Variants in KDM6A observed in about 807,000 individuals in gnomAD.
KDM6A encodes lysine demethylase 6A, also known as lysine-specific demethylase 6A.
In KDM6A, 11 loss-of-function variants were observed where a neutral mutation model predicts 117.6. The observed-to-expected ratio is 0.09, with a 90% CI of 0.06 to 0.15. The LOEUF (loss-of-function observed/expected upper bound fraction) is 0.15. Ranked by LOEUF, KDM6A falls within the 10% of genes least tolerant of loss-of-function variation. KDM6A has a pLI of 1.00. For synonymous variants in KDM6A, 384 were observed against 396.1 expected, an observed-to-expected ratio of 0.97 and a Z score of 0.36; for missense variants, 799 against 1,077.3, an observed-to-expected ratio of 0.74 and a Z score of 3.62.
intron 6 of KDM6A, among the ~76,000 whole-genome samples, chrX:45,025,202 G>A (rs1007602979): frequency 9.2e-6 from 1 of 109,220 alleles, no homozygotes; most frequent in African/African-American, 3.3e-5. Flanking sequence ...TCACTCTGTT[G>A]CCCAGGCTGG....
At chrX:45,054,051 C>G in intron 10 of KDM6A, 96 bp downstream of exon 10, 1 of 886,865 alleles carries the variant, frequency 1.1e-6, no homozygotes, top group Non-Finnish European at 1.7e-6. Flanking sequence ...GTAACCTGAT[C>G]AGTGTATTTT....
At chrX:45,101,005 G>A (rs1302599519) in intron 27 of KDM6A, among the ~76,000 whole-genome samples, 1 of 110,690 alleles carries the variant, frequency 9.0e-6, no homozygotes, top group East Asian at 2.8e-4. Context: ...GTTTTTAAAT[G>A]TGCCATCTTA....
chrX:45,083,110 A>C (rs922613184), intron 23 of KDM6A, among the ~76,000 whole-genome samples: 9 of 110,265 alleles, frequency 8.2e-5, no homozygotes, highest in African/African-American at 3.0e-4. Flanking sequence ...TTTTTACTTA[A>C]AACTTTTCTG....
intron 25 of KDM6A, chrX:45,086,369 A>G (rs2045640175): frequency 7.5e-6 from 1 of 134,120 alleles, no homozygotes; most frequent in Non-Finnish European, 1.5e-5. Context: ...GAATAACTCA[A>G]GCTTGACCAT....
chrX:44,969,041 C>T (rs1236618359), intron 3 of KDM6A, among the ~76,000 whole-genome samples: 1 of 109,109 alleles, frequency 9.2e-6, no homozygotes, highest in Non-Finnish European at 1.9e-5. Context: ...ACAGAAATTA[C>T]GAGGCAGGAG....
At chrX:45,018,792 G>A (rs1460337227) in intron 5 of KDM6A, among the ~76,000 whole-genome samples, 1 of 111,215 alleles carries the variant, frequency 9.0e-6, no homozygotes, top group Non-Finnish European at 1.9e-5. Flanking sequence ...ATTGGCATGT[G>A]TGGACATTGC....
At chrX:44,987,438 G>T (rs2040295783) in intron 4 of KDM6A, among the ~76,000 whole-genome samples, 1 of 111,360 alleles carries the variant, frequency 9.0e-6, no homozygotes, top group Non-Finnish European at 1.9e-5. Flanking sequence ...GTGTGAATCT[G>T]ATCCTGTCAT....
intron 4 of KDM6A, among the ~76,000 whole-genome samples, chrX:44,983,076 G>A (rs1056819276): frequency 1.8e-5 from 2 of 111,868 alleles, no homozygotes; most frequent in Admixed American, 1.9e-4. Context: ...GACCAAGAGA[G>A]TGAGCTCTTT....
intron 3 of KDM6A, among the ~76,000 whole-genome samples, chrX:44,964,929 G>A (rs1215338620): frequency 8.9e-6 from 1 of 112,368 alleles, no homozygotes; most frequent in African/African-American, 3.2e-5. Context: ...ATAGAAGGCT[G>A]TTTCACGGAG....
chrX:45,000,812 C>T (rs1813847366), intron 4 of KDM6A, among the ~76,000 whole-genome samples: 1 of 112,559 alleles, frequency 8.9e-6, no homozygotes, highest in African/African-American at 3.2e-5. Flanking sequence ...GCATGACTTA[C>T]TACTCCAGGC....
chrX:44,911,187 G>A (rs957261565), intron 2 of KDM6A, among the ~76,000 whole-genome samples: 2 of 108,070 alleles, frequency 1.9e-5, no homozygotes, highest in East Asian at 3.0e-4. Flanking sequence ...CCCACCTCCC[G>A]GACGGGGTGG....
intron 6 of KDM6A, among the ~76,000 whole-genome samples, chrX:45,027,540 A>AT (rs2042428212): frequency 9.0e-6 from 1 of 110,907 alleles, no homozygotes; most frequent in African/African-American, 3.3e-5. Flanking sequence ...ATATGACTCA[A>AT]TTTTCTTAGG....
chrX:45,067,429 A>G (rs1411741535), intron 17 of KDM6A, among the ~76,000 whole-genome samples: 1 of 111,395 alleles, frequency 9.0e-6, no homozygotes, highest in African/African-American at 3.3e-5. Context: ...TCTGAATTAA[A>G]TATTTTACAT....
rs2041154708 is a variant in KDM6A, at chrX:45,001,791, T to C, written c.385-9170T>C. On this transcript the variant is annotated intron_variant, in intron 4 of 29. Transcript: ENST00000611820. Reference sequence around the variant, plus strand: ...CGACTCTTGAGGGAGCGGTGCTTTCTTGCCTCGGGTGTGATGAGTCTATCC... The same window carrying C: ...CGACTCTTGAGGGAGCGGTGCTTTCCTGCCTCGGGTGTGATGAGTCTATCC... Among the ~76,000 whole-genome samples, 2 of 111,358 alleles carry C rather than the reference T, an allele frequency of 1.8e-5. 1 individual carries two copies. Among genetic ancestry groups the C allele is most frequent in the South Asian group, 7.6e-4 (2 of 2,618 alleles).
At chrX:45,060,186 C>T (rs1249731286) in intron 13 of KDM6A, 30 bp downstream of exon 13, 1 of 1,208,521 alleles carries the variant, frequency 8.3e-7, no homozygotes, top group African/African-American at 1.7e-5. Flanking sequence ...TCTGCAGGTG[C>T]CCAGCTTTAA....
At chrX:44,927,049 G>A (rs189890807) in intron 2 of KDM6A, among the ~76,000 whole-genome samples, 4 of 111,570 alleles carry the variant, frequency 3.6e-5, no homozygotes, top group African/African-American at 1.3e-4. Context: ...TGCCATGTAA[G>A]TATTGTCTAT....
At chrX:45,067,653 G>GTTTTTTTTT (rs1192862756) in intron 17 of KDM6A, among the ~76,000 whole-genome samples, 2 of 83,302 alleles carry the variant, frequency 2.4e-5, no homozygotes, top group African/African-American at 9.3e-5. Context: ...TCTTTTTTTT[G>GTTTTTTTTT]TTTTTTTTTT....
chrX:45,046,981 A>G (rs868624931), intron 8 of KDM6A, among the ~76,000 whole-genome samples: 24 of 103,419 alleles, frequency 2.3e-4, no homozygotes, highest in African/African-American at 7.2e-4. Context: ...GGTGGTGATG[A>G]TGGTGGTGGT....
At chrX:44,931,767 C>T (rs1426125144) in intron 2 of KDM6A, among the ~76,000 whole-genome samples, 1 of 111,650 alleles carries the variant, frequency 9.0e-6, no homozygotes, top group Non-Finnish European at 1.9e-5. Context: ...AGTTAAAGTT[C>T]TAGAGATCTG....
Sources: allele counts gnomAD v4.1 joint callset (sites outside exome capture counted in the v4.1 genomes callset), GRCh38; gene constraint gnomAD v4.1.1; transcripts MANE v1.5; gene names NCBI Gene and HGNC (gene_info 2026-07-23, HGNC 2026-07-21).